Variants in MAST4 observed in about 807,000 individuals in gnomAD.
MAST4 encodes the protein microtubule-associated serine/threonine-protein kinase 4.
In MAST4, 89 loss-of-function variants were observed where a neutral mutation model predicts 162.7. That is an observed-to-expected ratio of 0.55 (90% CI 0.46 to 0.65). The LOEUF is 0.65. MAST4 is among the 30% of genes least tolerant of loss of function. MAST4 has a pLI of 0.00. For missense variants in MAST4, 3,153 were observed against 3,374.0 expected, an observed-to-expected ratio of 0.93 and a Z score of 1.62; for synonymous variants, 1,479 against 1,361.1, an observed-to-expected ratio of 1.09 and a Z score of -1.91.
At chr5:67,104,790 C>T (rs752500099) in intron 10 of MAST4, among the ~76,000 whole-genome samples, 7 of 151,582 alleles carry the variant, frequency 4.6e-5, no homozygotes, top group Non-Finnish European at 1.0e-4. Flanking sequence ...ATAACCTTTA[C>T]AGGAATCTTA....
intron 5 of MAST4, among the ~76,000 whole-genome samples, chr5:67,088,504 C>CAATTTTTAAATTTGTTTAA (rs1763501564): frequency 1.3e-5 from 2 of 151,994 alleles, no homozygotes; most frequent in Non-Finnish European, 2.9e-5. Flanking sequence ...AATTTTTAGC[C>CAATTTTTAAATTTGTTTAA]ATCTTGAAAT....
In MAST4 at chr5:67,130,183, A is replaced by G. The variant is rs140780336; in HGVS notation, c.1746-27A>G. On this transcript the variant is annotated intron_variant, in intron 14 of 28. Transcript: ENST00000403625. ...CATCCTTACTTTCTCTCCTCCTGTCAACCCCAATACTTCTGCTCCTTTTCA... is the reference window on the plus strand; with the variant it reads ...CATCCTTACTTTCTCTCCTCCTGTCGACCCCAATACTTCTGCTCCTTTTCA... 1.3e-4 allele frequency: 203 copies of G among 1,591,846 alleles called. No individual in the cohort carries two copies. The African/African-American group carries it at 2.5e-3, about 20-fold the overall frequency.
chr5:66,724,410 A>G (rs1580298865), intron 1 of MAST4, among the ~76,000 whole-genome samples: 1 of 152,176 alleles, frequency 6.6e-6, no homozygotes, highest in South Asian at 2.1e-4. Flanking sequence ...GCCACTTGTG[A>G]TGAGTTACGG....
intron 4 of MAST4, among the ~76,000 whole-genome samples, chr5:67,046,783 A>G (rs752850476): frequency 6.6e-6 from 1 of 152,152 alleles, no homozygotes; most frequent in Non-Finnish European, 1.5e-5. Context: ...TTCTCTAGCT[A>G]TTGAAATTAG....
intron 5 of MAST4, among the ~76,000 whole-genome samples, chr5:67,086,624 C>A (rs925714038): frequency 6.6e-6 from 1 of 152,192 alleles, no homozygotes; most frequent in Non-Finnish European, 1.5e-5. Context: ...ACTCAAACAT[C>A]CAAGAGCCAG....
At position 66,739,030 on chromosome 5, in the gene MAST4, A is replaced by G. The variant is rs567386603; in HGVS notation, c.364-20679A>G. On this transcript the variant is annotated intron_variant, in intron 1 of 28. Transcript: ENST00000403625. ...TCCTATAGATCTTTTTTTTTGCTTA[A>G]TTAGCTACCGTGATGAAGAGTGCTT... Among the ~76,000 whole-genome samples, 4 of 151,990 alleles carry G rather than the reference A, an allele frequency of 2.6e-5. No homozygotes were observed. The South Asian group carries it at 8.3e-4, about 32-fold the overall frequency.
chr5:66,649,610 A>G (rs1471490785), intron 1 of MAST4, among the ~76,000 whole-genome samples: 1 of 152,144 alleles, frequency 6.6e-6, no homozygotes, highest in Non-Finnish European at 1.5e-5. Context: ...GATCATTTCC[A>G]CTGGGAGGAC....
rs576380099 is a variant in MAST4, at chr5:67,067,768, G to C, written c.763+13276G>C. Among the ~76,000 whole-genome samples the C allele has an allele frequency of 2.0e-5, 3 of 152,298 alleles. No individual in the cohort carries two copies. The South Asian group carries it at 6.2e-4, about 32-fold the overall frequency. On this transcript the variant is annotated intron_variant, in intron 5 of 28. Coordinates refer to ENST00000403625, the MANE Select transcript of MAST4 (RefSeq NM_001164664.2). ...ACTCCAGTAGATCAGAACCACGGCA[G>C]TTCCAGAGAGGCTGCCTCAGTGATA... is the stretch of plus-strand genomic sequence containing the variant.
At chr5:67,159,036 A>G (rs1039362811) in intron 26 of MAST4, among the ~76,000 whole-genome samples, 9 of 152,256 alleles carry the variant, frequency 5.9e-5, no homozygotes, top group Non-Finnish European at 1.3e-4. Context: ...CTGTGTCTCA[A>G]AAAACAACAA....
intron 4 of MAST4, among the ~76,000 whole-genome samples, chr5:66,966,183 C>T (rs542131453): frequency 1.3e-5 from 2 of 152,298 alleles, no homozygotes; most frequent in Admixed American, 6.5e-5. Context: ...TCAAATCTTT[C>T]CACTGTGACT....
At chr5:66,941,585 A>T (rs908404026) in intron 4 of MAST4, among the ~76,000 whole-genome samples, 4 of 152,160 alleles carry the variant, frequency 2.6e-5, no homozygotes. Flanking sequence ...CTTTCTTCAT[A>T]TCAGCAAGAA....
At chr5:67,106,340 G>C (rs1290265038) in intron 10 of MAST4, among the ~76,000 whole-genome samples, 2 of 152,150 alleles carry the variant, frequency 1.3e-5, no homozygotes, top group Admixed American at 1.3e-4. Context: ...TGAAGCAGCA[G>C]TCCCAACCTA....
Position 67,145,209 on chromosome 5 carries a change from T to C in MAST4, c.2924T>C (p.Leu975Pro). Residue 975 changes from leucine (L) to proline (P), a missense_variant, in exon 23 of 29, where the codon CTA (leucine) becomes CCA (proline). Leu to Pro is a moderately conservative substitution (Grantham distance 98, BLOSUM62 -3). This residue lies in a region of MAST4 where 619 missense variants were observed against 744.2 expected (regional missense o/e 0.83). Transcript: ENST00000403625. ...ESNRHKLSSG[L>P]LPKLAISTEG... ...AACAGACATAAACTCAGTTCTGGCCTACTTCCCAAACTGGCTATTTCAACA... is the reference window on the plus strand; with the variant it reads ...AACAGACATAAACTCAGTTCTGGCCCACTTCCCAAACTGGCTATTTCAACA... 1 of 1,613,598 alleles carries C rather than the reference T, an allele frequency of 6.2e-7. No homozygotes were observed. The highest frequency in any genetic ancestry group is 8.5e-7 in the Non-Finnish European group (1 of 1,179,744).
chr5:66,979,974 A>G (rs1210083349), intron 4 of MAST4, among the ~76,000 whole-genome samples: 1 of 151,854 alleles, frequency 6.6e-6, no homozygotes. Flanking sequence ...TAATTTGTCG[A>G]GGGAAAATCC....
chr5:66,826,608 C>G (rs775818915), intron 3 of MAST4, among the ~76,000 whole-genome samples: 6 of 152,058 alleles, frequency 3.9e-5, no homozygotes, highest in Non-Finnish European at 8.8e-5. Context: ...CCCACCACCC[C>G]CCCCAATCCC....
chr5:66,867,990 A>G (rs2149861364), intron 3 of MAST4, among the ~76,000 whole-genome samples: 1 of 152,328 alleles, frequency 6.6e-6, no homozygotes, highest in African/African-American at 2.4e-5. Context: ...TGAAGTCACA[A>G]ATTTTGCCTT....
intron 1 of MAST4, among the ~76,000 whole-genome samples, chr5:66,606,270 AT>A (rs1383749474): frequency 6.6e-6 from 1 of 152,170 alleles, no homozygotes; most frequent in Admixed American, 6.5e-5. Flanking sequence ...TAAAAGATTA[AT>A]TTGAAAGTTC....
intron 1 of MAST4, among the ~76,000 whole-genome samples, chr5:66,732,964 T>C (rs1161421025): frequency 1.3e-5 from 2 of 152,320 alleles, no homozygotes; most frequent in East Asian, 3.9e-4. Flanking sequence ...TGCTGTTTTT[T>C]CTGCCTGCAC....
intron 1 of MAST4, among the ~76,000 whole-genome samples, chr5:66,663,361 T>G (rs1193162705): frequency 6.6e-6 from 1 of 152,144 alleles, no homozygotes. Context: ...CCTGCCTTCA[T>G]GGAGTTTCAA....
Sources: gnomAD v4.1 joint callset for allele counts (sites outside exome capture counted in the v4.1 genomes callset) on GRCh38, gnomAD v4.1.1 for gene constraint, gnomAD v4.1.1 regional missense constraint, MANE v1.5 for transcripts, NCBI Gene and HGNC (gene_info 2026-07-23, HGNC 2026-07-21) for gene names.